Variants in GNB1 observed in about 807,000 individuals in gnomAD.
GNB1 encodes guanine nucleotide-binding protein G(I)/G(S)/G(T) subunit beta-1.
GNB1 carries 2 observed loss-of-function variants against 42.9 expected under a neutral mutation model. That is an observed-to-expected ratio of 0.05 (90% CI 0.02 to 0.15). GNB1 has a LOEUF of 0.15. GNB1 is among the 10% of genes least tolerant of loss of function. GNB1 has a pLI of 1.00. For missense variants in GNB1, 193 were observed against 462.2 expected (o/e 0.42, Z 5.34); for synonymous variants, 183 against 174.7 (o/e 1.05, Z -0.38).
chr1:1,796,753 C>A (rs1646552132), intron 7 of GNB1, among the ~76,000 whole-genome samples: 1 of 152,126 alleles, frequency 6.6e-6, no homozygotes, highest in Admixed American at 6.5e-5. Flanking sequence ...CCAAGTGCCT[C>A]AAGGAGAGGC....
Position 1,798,568 on chromosome 1 carries a change from C to T in GNB1, c.431-5257G>A, listed in dbSNP as rs548153975. On this transcript the variant is annotated intron_variant, in intron 7 of 11. Coordinates refer to ENST00000378609, the MANE Select transcript of GNB1 (RefSeq NM_002074.5). Reference sequence around the variant, plus strand: ...TGTAGCCATCTTGATCAGAATGATCCAGGCAAGGGCCGCCGTGTCTCCACT... The same window carrying T: ...TGTAGCCATCTTGATCAGAATGATCTAGGCAAGGGCCGCCGTGTCTCCACT... Among the ~76,000 whole-genome samples, 140 of 152,284 alleles carry T rather than the reference C, an allele frequency of 9.2e-4. 3 individuals are homozygous for T. Among genetic ancestry groups the T allele is most frequent in the Admixed American group, 1.6e-3 (24 of 15,302 alleles).
At chr1:1,845,538 A>G (rs1479938024) in intron 1 of GNB1, among the ~76,000 whole-genome samples, 1 of 152,170 alleles carries the variant, frequency 6.6e-6, no homozygotes, top group African/African-American at 2.4e-5. Flanking sequence ...GTGCCACTGC[A>G]CTCCAGCCTG....
intron 2 of GNB1, among the ~76,000 whole-genome samples, chr1:1,835,994 G>C (rs1647143823): frequency 6.6e-6 from 1 of 150,680 alleles, no homozygotes; most frequent in Non-Finnish European, 1.5e-5. Context: ...GGAAGCTGAG[G>C]CCAGAGGATC....
intron 1 of GNB1, among the ~76,000 whole-genome samples, chr1:1,859,172 C>G (rs1157755235): frequency 6.6e-6 from 1 of 151,930 alleles, no homozygotes. Flanking sequence ...GAGGCATGCA[C>G]CACAAAGCCC....
chr1:1,835,164 C>T (rs924183962), intron 2 of GNB1, among the ~76,000 whole-genome samples: 14 of 152,276 alleles, frequency 9.2e-5, no homozygotes, highest in Admixed American at 2.0e-4. Context: ...GAAAAACTTC[C>T]GTGTTTTTAT....
At chr1:1,798,883 G>A (rs1180449490) in intron 7 of GNB1, among the ~76,000 whole-genome samples, 2 of 151,156 alleles carry the variant, frequency 1.3e-5, no homozygotes, top group Non-Finnish European at 2.9e-5. Context: ...TGTATTTTTT[G>A]TAGAGGCGGG....
chr1:1,825,164 C>T (rs1419380910), intron 3 of GNB1: 3 of 446,570 alleles, frequency 6.7e-6, no homozygotes, highest in East Asian at 3.7e-5. Flanking sequence ...ATAAATTCTA[C>T]GGAGACATCT....
In GNB1 at chr1:1,786,094, A is replaced by G. The variant is rs562904611; in HGVS notation, c.*969T>C. On this transcript the variant is annotated 3_prime_UTR_variant, in exon 12 of 12. Coordinates refer to ENST00000378609, the MANE Select transcript of GNB1 (RefSeq NM_002074.5). ...AATTTAACTTAGAAAGTCTGAGATC[A>G]TTATTTTCAAAACATTGATTTGTAC... 7.5e-6 allele frequency: 3 copies of G among 398,606 alleles called. No individual in the cohort carries two copies. The highest frequency in any genetic ancestry group is 6.2e-5 in the African/African-American group (3 of 48,716). The allele number at this position is 398,606 out of a possible 1,614,324, so 24.7% of individuals were successfully genotyped here.
At chr1:1,828,992 T>A (rs1193856457) in intron 2 of GNB1, among the ~76,000 whole-genome samples, 1 of 152,174 alleles carries the variant, frequency 6.6e-6, no homozygotes, top group African/African-American at 2.4e-5. Flanking sequence ...AAAAATCTAT[T>A]GTCAGGCATT....
intron 1 of GNB1, among the ~76,000 whole-genome samples, chr1:1,884,012 C>A (rs2101912416): frequency 6.7e-6 from 1 of 150,008 alleles, no homozygotes. Flanking sequence ...GTTGCCCAGG[C>A]TGCAGTACAA....
At chr1:1,834,808 A>C (rs970054282) in intron 2 of GNB1, among the ~76,000 whole-genome samples, 1 of 151,718 alleles carries the variant, frequency 6.6e-6, no homozygotes, top group African/African-American at 2.4e-5. Flanking sequence ...AGCCAGGACT[A>C]CAGGCGCCTG....
At chr1:1,884,771 C>G (rs2101920668) in intron 1 of GNB1, among the ~76,000 whole-genome samples, 1 of 152,034 alleles carries the variant, frequency 6.6e-6, no homozygotes, top group South Asian at 2.1e-4. Context: ...CGAGGTCTGC[C>G]TCCCGGGTTC....
At chr1:1,870,751 AG>A (rs1359163858) in intron 1 of GNB1, among the ~76,000 whole-genome samples, 2 of 152,260 alleles carry the variant, frequency 1.3e-5, no homozygotes, top group East Asian at 3.9e-4. Flanking sequence ...CCTGACCAAC[AG>A]GGTGAAACCC....
intron 1 of GNB1, among the ~76,000 whole-genome samples, chr1:1,867,409 C>T (rs1649003780): frequency 6.6e-6 from 1 of 152,106 alleles, no homozygotes; most frequent in Admixed American, 6.6e-5. Flanking sequence ...GAGGATATAC[C>T]AGGAAATAAA....
Position 1,815,004 on chromosome 1 carries a change from A to T in GNB1, c.203+752T>A, listed in dbSNP as rs531314550. ...GCAGGCGCCTGTAGTCCCAGCTACT[A>T]GGGAGGGTGAGGCAGGAGAATGGCG... On this transcript the variant is annotated intron_variant, in intron 5 of 11. Coordinates refer to ENST00000378609, the MANE Select transcript of GNB1 (RefSeq NM_002074.5). 8.2e-3 allele frequency among the ~76,000 whole-genome samples: 1,233 copies of T among 150,794 alleles called. 21 individuals carry two copies. Among genetic ancestry groups the T allele is most frequent in the African/African-American group, 0.029 (1,197 of 41,192 alleles).
At chr1:1,793,652 C>A in intron 7 of GNB1, 1 of 180,258 alleles carries the variant, frequency 5.5e-6, no homozygotes. Flanking sequence ...TTTACTCATT[C>A]AGGGCACGCT....
rs942985037 is a variant in GNB1, at chr1:1,881,888, G to A, written c.-96+8932C>T. Among the ~76,000 whole-genome samples, 7 of 152,016 alleles carry A rather than the reference G, an allele frequency of 4.6e-5. 1 individual carries two copies. Among genetic ancestry groups the A allele is most frequent in the African/African-American group, 2.4e-5 (1 of 41,376 alleles). On this transcript the variant is annotated intron_variant, in intron 1 of 11. Coordinates refer to ENST00000378609, the MANE Select transcript of GNB1 (RefSeq NM_002074.5). ...CAGTGAAGGAGACCAGTTGGTTGCCGGATGAAAAACACACCATCTCATCAG... is the reference window on the plus strand; with the variant it reads ...CAGTGAAGGAGACCAGTTGGTTGCCAGATGAAAAACACACCATCTCATCAG...
At chr1:1,876,975 A>G (rs1649578701) in intron 1 of GNB1, among the ~76,000 whole-genome samples, 3 of 152,176 alleles carry the variant, frequency 2.0e-5, no homozygotes, top group Non-Finnish European at 4.4e-5. Flanking sequence ...TTTGGAAACA[A>G]TTACAAAGTA....
intron 1 of GNB1, among the ~76,000 whole-genome samples, chr1:1,878,813 C>A (rs1649686596): frequency 6.6e-6 from 1 of 152,118 alleles, no homozygotes; most frequent in Admixed American, 6.6e-5. Flanking sequence ...CTCCCCTAGC[C>A]CCACACTTCT....
Sources: allele counts gnomAD v4.1 joint callset (sites outside exome capture counted in the v4.1 genomes callset), GRCh38; gene constraint gnomAD v4.1.1; transcripts MANE v1.5; gene names NCBI Gene and HGNC (gene_info 2026-07-23, HGNC 2026-07-21).